SEMA3A: variants seen among roughly 807,000 people sequenced by gnomAD.
The protein encoded by SEMA3A is semaphorin-3A.
Under a neutral mutation model 97.9 loss-of-function variants are expected in SEMA3A, and 29 were observed. That is an observed-to-expected ratio of 0.30 (90% CI 0.22 to 0.40). The LOEUF (loss-of-function observed/expected upper bound fraction) is 0.40. Among genes scored for constraint, SEMA3A ranks in the 10% least tolerant of loss-of-function variants. The pLI is 1.00. For synonymous variants in SEMA3A, 321 were observed against 323.7 expected (o/e 0.99, Z 0.09); for missense variants, 763 against 951.3 (o/e 0.80, Z 2.60).
At chr7:84,115,008 T>C (rs1317358995) in intron 3 of SEMA3A, among the ~76,000 whole-genome samples, 1 of 152,122 alleles carries the variant, frequency 6.6e-6, no homozygotes, top group Admixed American at 6.6e-5. Flanking sequence ...GTTCTGTCCA[T>C]TTTGGGAGGC....
intron 1 of SEMA3A, among the ~76,000 whole-genome samples, chr7:84,168,986 G>A (rs1797302316): frequency 6.6e-6 from 1 of 151,632 alleles, no homozygotes; most frequent in African/African-American, 2.4e-5. Context: ...CACCTGACAT[G>A]CTTAAAAAAT....
chr7:84,385,343 A>T (rs936147394), intron 1 of SEMA3A, among the ~76,000 whole-genome samples: 1 of 152,102 alleles, frequency 6.6e-6, no homozygotes, highest in Admixed American at 6.6e-5. Context: ...CTTGCCCATT[A>T]TACTTGTTGT....
chr7:84,138,916 A>G (rs1209536813), intron 1 of SEMA3A, among the ~76,000 whole-genome samples: 1 of 152,110 alleles, frequency 6.6e-6, no homozygotes, highest in African/African-American at 2.4e-5. Context: ...GGTTAAAATC[A>G]GACACATTTT....
At chr7:84,095,885 T>A (rs775317112) in intron 4 of SEMA3A, among the ~76,000 whole-genome samples, 3 of 142,490 alleles carry the variant, frequency 2.1e-5, no homozygotes, top group Non-Finnish European at 4.7e-5. Context: ...TCAAATTTTG[T>A]CTACTTTGAT....
At position 84,105,014 on chromosome 7, in the gene SEMA3A, G is replaced by A. The variant is rs182542421; in HGVS notation, c.453+5456C>T. On this transcript the variant is annotated intron_variant, in intron 4 of 16. Transcript: ENST00000265362. ...GGTCCATAGTGCAAATGAGGGATAT[G>A]CTGCATCTGATGGAGACAATGAACA... is the stretch of plus-strand genomic sequence containing the variant. Among the ~76,000 whole-genome samples, 15 of 152,188 alleles carry A rather than the reference G, an allele frequency of 9.9e-5. No individual in the cohort carries two copies. In the East Asian group the frequency reaches 1.4e-3, roughly 14 times the overall value.
intron 2 of SEMA3A, among the ~76,000 whole-genome samples, chr7:84,343,258 A>G (rs1802216607): frequency 6.6e-6 from 1 of 152,172 alleles, no homozygotes; most frequent in Non-Finnish European, 1.5e-5. Flanking sequence ...AGAATTATAA[A>G]TGGTAGTTGA....
intron 3 of SEMA3A, among the ~76,000 whole-genome samples, chr7:84,214,762 G>A (rs1798706454): frequency 1.3e-5 from 2 of 148,982 alleles, no homozygotes; most frequent in South Asian, 4.3e-4. Flanking sequence ...GCAGTGGTGT[G>A]ATTTGGGCTC....
At chr7:84,294,017 T>C (rs1026011432) in intron 3 of SEMA3A, among the ~76,000 whole-genome samples, 5 of 152,066 alleles carry the variant, frequency 3.3e-5, no homozygotes, top group Admixed American at 1.3e-4. Flanking sequence ...GTCAAATGTA[T>C]GGATCTGACA....
intron 5 of SEMA3A, among the ~76,000 whole-genome samples, chr7:84,049,051 A>C (rs2115599923): frequency 6.6e-6 from 1 of 152,242 alleles, no homozygotes; most frequent in South Asian, 2.1e-4. Flanking sequence ...TTTTCACAAA[A>C]GGTAAGAAGG....
chr7:84,375,874 C>T (rs1190957180), intron 1 of SEMA3A, among the ~76,000 whole-genome samples: 9 of 152,090 alleles, frequency 5.9e-5, no homozygotes, highest in African/African-American at 2.2e-4. Flanking sequence ...CTCTAGGAAC[C>T]ACTATTCTAC....
chr7:84,000,800 G>C, intron 12 of SEMA3A, among the ~76,000 whole-genome samples: 1 of 152,200 alleles, frequency 6.6e-6, no homozygotes, highest in Non-Finnish European at 1.5e-5. Context: ...TATATTAGGA[G>C]CTTTCCATAT....
intron 1 of SEMA3A, among the ~76,000 whole-genome samples, chr7:84,443,489 T>C (rs1805324571): frequency 6.6e-6 from 1 of 152,110 alleles, no homozygotes; most frequent in Non-Finnish European, 1.5e-5. Flanking sequence ...AAAAGATCAA[T>C]GCCCTTTACA....
intron 3 of SEMA3A, among the ~76,000 whole-genome samples, chr7:84,253,139 A>G (rs1243209351): frequency 6.6e-6 from 1 of 152,150 alleles, no homozygotes; most frequent in African/African-American, 2.4e-5. Flanking sequence ...CAGCCTCCCA[A>G]AGTGCAGAGA....
intron 2 of SEMA3A, among the ~76,000 whole-genome samples, chr7:84,366,054 T>C (rs1424188861): frequency 1.3e-5 from 2 of 151,422 alleles, no homozygotes; most frequent in Non-Finnish European, 3.0e-5. Context: ...CAAAGGCATT[T>C]GTACTACCTC....
chr7:84,294,681 T>C (rs1035612932), intron 3 of SEMA3A, among the ~76,000 whole-genome samples: 4 of 152,084 alleles, frequency 2.6e-5, no homozygotes, highest in African/African-American at 9.6e-5. Flanking sequence ...TTTATAATAA[T>C]ACTTGTAATC....
At chr7:84,094,987 A>T (rs977096371) in intron 4 of SEMA3A, among the ~76,000 whole-genome samples, 1 of 151,350 alleles carries the variant, frequency 6.6e-6, no homozygotes, top group African/African-American at 2.4e-5. Flanking sequence ...ACACCTTCAT[A>T]GTTTTGTCTA....
At chr7:84,286,904 A>G (rs1800603411) in intron 3 of SEMA3A, among the ~76,000 whole-genome samples, 1 of 152,126 alleles carries the variant, frequency 6.6e-6, no homozygotes, top group Non-Finnish European at 1.5e-5. Flanking sequence ...CATTTATCTC[A>G]CCATCAATCT....
At chr7:84,204,249 A>G (rs1173799539) in intron 3 of SEMA3A, among the ~76,000 whole-genome samples, 1 of 152,228 alleles carries the variant, frequency 6.6e-6, no homozygotes, top group Non-Finnish European at 1.5e-5. Flanking sequence ...CATGTATTAT[A>G]TAAGACAGAA....
intron 15 of SEMA3A, among the ~76,000 whole-genome samples, chr7:83,965,114 T>G (rs1788619109): frequency 7.2e-6 from 1 of 139,266 alleles, no homozygotes; most frequent in Non-Finnish European, 1.6e-5. Flanking sequence ...TTTTTTTTTG[T>G]ATTTTTAGTA....
Sources: allele counts gnomAD v4.1 joint callset (sites outside exome capture counted in the v4.1 genomes callset), GRCh38; gene constraint gnomAD v4.1.1; transcripts MANE v1.5; gene names NCBI Gene and HGNC (gene_info 2026-07-23, HGNC 2026-07-21).